ADGRE5: variants seen among roughly 807,000 people sequenced by gnomAD.
The protein encoded by ADGRE5 is adhesion G protein-coupled receptor E5.
In ADGRE5, 72 loss-of-function variants were observed where a neutral mutation model predicts 100.3. That is an observed-to-expected ratio of 0.72 (90% CI 0.59 to 0.87). ADGRE5 has a LOEUF of 0.87. Ranked by LOEUF, ADGRE5 falls within the 40% of genes least tolerant of loss-of-function variation. The probability of loss-of-function intolerance (pLI) is 0.00; values close to 1 mark genes in which losing one functional copy is unlikely to be tolerated. For missense variants in ADGRE5, 959 were observed against 1,094.7 expected, an observed-to-expected ratio of 0.88 and a Z score of 1.75; for synonymous variants, 439 against 447.8, an observed-to-expected ratio of 0.98 and a Z score of 0.25.
chr19:14,398,976 G>A (rs1050554212), intron 9 of ADGRE5, among the ~76,000 whole-genome samples: 1 of 151,518 alleles, frequency 6.6e-6, no homozygotes, highest in African/African-American at 2.4e-5. Context: ...CAAGTAGCTG[G>A]GACCAAAGGC....
In ADGRE5 at chr19:14,406,188, G is replaced by A; in HGVS notation, c.1822-143G>A. The A allele has an allele frequency of 1.3e-6, 1 of 747,904 alleles. No homozygotes were observed. Among genetic ancestry groups the A allele is most frequent in the Non-Finnish European group, 2.1e-6 (1 of 472,564 alleles). The allele number at this position is 747,904 out of a possible 1,614,324, so 46.3% of individuals were successfully genotyped here. A position where few individuals can be genotyped will look rare whatever the true frequency, so the allele number is the denominator to read the frequency against. The stretch of plus-strand genomic sequence containing the variant: ...AGCGTTGTTGGGGGTGGGCCCTGGG[G>A]GGAAACCTGGCCCCCGCTCCAGACC... On this transcript the variant is annotated intron_variant, in intron 14 of 19. Coordinates refer to ENST00000242786, the MANE Select transcript of ADGRE5 (RefSeq NM_078481.4). This position sits in a 1 kb window ranked among gnomAD's most constrained non-coding sequence, Gnocchi z 6.0.
intron 4 of ADGRE5, chr19:14,391,468 C>T (rs1975600132): frequency 5.3e-6 from 1 of 187,450 alleles, no homozygotes; most frequent in Non-Finnish European, 1.1e-5. Context: ...AGCAAGACCC[C>T]ACCCCTATAA....
intron 6 of ADGRE5, 134 bp downstream of exon 6, chr19:14,397,357 G>A (rs550890821): frequency 1.1e-4 from 165 of 1,437,012 alleles, no homozygotes; most frequent in Admixed American, 3.8e-4. Context: ...TTCTTCTGAG[G>A]CTAGATGAGA....
Position 14,407,237 on chromosome 19 carries a change from C to G in ADGRE5, c.2376+8C>G, listed in dbSNP as rs766881249. ...TGCCTGCTCAACAAGAAGGTGGGGG[C>G]CTGGGCACAGTGGCGCACGCCTGTC... On this transcript the variant is annotated splice_region_variant and intron_variant, in intron 18 of 19. Transcript: ENST00000242786. The G allele has an allele frequency of 1.8e-5, 29 of 1,613,438 alleles. No individual in the cohort carries two copies. Among genetic ancestry groups the G allele is most frequent in the African/African-American group, 2.7e-5 (2 of 74,934 alleles).
chr19:14,385,010 CTTTTTTTTTTT>C (rs56960989), intron 1 of ADGRE5, among the ~76,000 whole-genome samples: 1 of 68,684 alleles, frequency 1.5e-5, no homozygotes, highest in Non-Finnish European at 2.6e-5. Context: ...GACTCTTGCT[CTTTTTTTTTTT>C]TTTTTTTTTT....
At position 14,401,764 on chromosome 19, in the gene ADGRE5, G is replaced by C. The variant is rs1451462127; in HGVS notation, c.1183+4G>C. On this transcript the variant is annotated splice_donor_region_variant and intron_variant, in intron 11 of 19. Coordinates refer to ENST00000242786, the MANE Select transcript of ADGRE5 (RefSeq NM_078481.4). The surrounding 1 kb of genome is among the most constrained non-coding windows in gnomAD (Gnocchi z 4.1). ...GCAGCTGGAGCCGAGGATCCAGGTAGCAGCGGTGGTCTGGAGGGGGAGCCC... is the reference window on the plus strand; with the variant it reads ...GCAGCTGGAGCCGAGGATCCAGGTACCAGCGGTGGTCTGGAGGGGGAGCCC... The C allele has an allele frequency of 6.5e-7, 1 of 1,543,350 alleles. No individual in the cohort carries two copies.
At position 14,381,571 on chromosome 19, in the gene ADGRE5, A is replaced by G. The variant is rs1318984816; in HGVS notation, c.22+26A>G. 4 of 1,595,808 alleles carry G rather than the reference A, an allele frequency of 2.5e-6. No individual in the cohort carries two copies. In the Admixed American group the frequency reaches 5.7e-5, roughly 23 times the overall value. ...GTAAGTACTTTGGGGCCCCGCTGGGAGGGGCGAGGAAGCTCCAGCGGGACC... is the reference window on the plus strand; with the variant it reads ...GTAAGTACTTTGGGGCCCCGCTGGGGGGGGCGAGGAAGCTCCAGCGGGACC... On this transcript the variant is annotated intron_variant, in intron 1 of 19. Coordinates refer to ENST00000242786, the MANE Select transcript of ADGRE5 (RefSeq NM_078481.4).
Position 14,408,718 on chromosome 19 carries a change from A to G in ADGRE5, c.*597A>G. On this transcript the variant is annotated 3_prime_UTR_variant, in exon 20 of 20. Coordinates refer to ENST00000242786, the MANE Select transcript of ADGRE5 (RefSeq NM_078481.4). ...GACACTTAAAATTAAACACATGCATACAGAAGATGGCCTTGCCTGCTGGTG... is the reference window on the plus strand; with the variant it reads ...GACACTTAAAATTAAACACATGCATGCAGAAGATGGCCTTGCCTGCTGGTG... 1.6e-6 allele frequency: 1 copy of G among 628,988 alleles called. No homozygotes were observed. The highest frequency in any genetic ancestry group is 3.4e-5 in the Admixed American group (1 of 29,420). 39.0% of individuals were successfully genotyped at this position (628,988 alleles called of 1,614,324 possible). A position where few individuals can be genotyped will look rare whatever the true frequency, so the allele number is the denominator to read the frequency against.
intron 1 of ADGRE5, among the ~76,000 whole-genome samples, chr19:14,384,231 G>C (rs932992208): frequency 6.6e-6 from 1 of 150,660 alleles, no homozygotes; most frequent in Non-Finnish European, 1.5e-5. Flanking sequence ...AACCCAGCTG[G>C]AAGGAGTGTG....
Position 14,388,822 on chromosome 19 carries a change from C to T in ADGRE5, c.190+4C>T. 6.2e-7 allele frequency: 1 copy of T among 1,612,574 alleles called. No homozygotes were observed. Among genetic ancestry groups the T allele is most frequent in the Non-Finnish European group, 8.5e-7 (1 of 1,178,960 alleles). Reference sequence around the variant, plus strand: ...ACCCCGACGGAGACTTGTGACGGTACAGAGGCTTGAGGGCAGCGCAGGGGA... The same window carrying T: ...ACCCCGACGGAGACTTGTGACGGTATAGAGGCTTGAGGGCAGCGCAGGGGA... On this transcript the variant is annotated splice_donor_region_variant and intron_variant, in intron 3 of 19. Transcript: ENST00000242786.
At position 14,396,383 on chromosome 19, in the gene ADGRE5, T is replaced by C. The variant is rs1198686552; in HGVS notation, c.388T>C (p.Tyr130His). Residue 130 changes from tyrosine (Y) to histidine (H), a missense_variant, in exon 5 of 20, where the codon TAC becomes CAC. Tyr to His is a moderately conservative substitution (Grantham distance 83). Around this residue, in one of 6 missense-constraint regions of ADGRE5, gnomAD observed 114 missense variants for 195.7 expected, o/e 0.58. Coordinates refer to ENST00000242786, the MANE Select transcript of ADGRE5 (RefSeq NM_078481.4). ...CQQNPRLCKSYGTCVNTLGSY... is the reference protein window; with the variant it reads ...CQQNPRLCKSHGTCVNTLGSY... Reference sequence around the variant, plus strand: ...GCAGAACCCAAGGCTCTGTAAAAGCTACGGCACCTGCGTCAACACCCTTGG... The same window carrying C: ...GCAGAACCCAAGGCTCTGTAAAAGCCACGGCACCTGCGTCAACACCCTTGG... The C allele has an allele frequency of 6.2e-7, 1 of 1,614,008 alleles. No homozygotes were observed. The highest frequency in any genetic ancestry group is 2.2e-5 in the East Asian group (1 of 44,892).
Position 14,406,275 on chromosome 19 carries a change from G to A in ADGRE5, c.1822-56G>A, listed in dbSNP as rs967880949. 5 of 1,357,940 alleles carry A rather than the reference G, an allele frequency of 3.7e-6. No individual in the cohort carries two copies. In the African/African-American group the frequency reaches 4.3e-5, roughly 12 times the overall value. The allele number at this position is 1,357,940 out of a possible 1,614,324, so 84.1% of individuals were successfully genotyped here. A position where few individuals can be genotyped will look rare whatever the true frequency, so the allele number is the denominator to read the frequency against. Reference sequence around the variant, plus strand: ...GACCTGGCAGGCGACTGGCTCTGGCGCCGCATGCCCCTCCCCGCGCTGACG... The same window carrying A: ...GACCTGGCAGGCGACTGGCTCTGGCACCGCATGCCCCTCCCCGCGCTGACG... On this transcript the variant is annotated intron_variant, in intron 14 of 19. Coordinates refer to ENST00000242786, the MANE Select transcript of ADGRE5 (RefSeq NM_078481.4). This position sits in a 1 kb window ranked among gnomAD's most constrained non-coding sequence, Gnocchi z 6.0.
intron 12 of ADGRE5, 156 bp from the exon 13 acceptor site, chr19:14,404,227 G>A: frequency 1.5e-6 from 1 of 675,078 alleles, no homozygotes; most frequent in Non-Finnish European, 2.5e-6. Flanking sequence ...ACTTGTGTGT[G>A]CCCTGTTCAC....
intron 1 of ADGRE5, among the ~76,000 whole-genome samples, chr19:14,385,872 C>T (rs920323376): frequency 2.0e-5 from 3 of 151,384 alleles, no homozygotes; most frequent in African/African-American, 7.3e-5. Flanking sequence ...TTAGTTCAAG[C>T]GATTCTCAAG....
intron 4 of ADGRE5, among the ~76,000 whole-genome samples, chr19:14,395,315 A>C (rs550919187): frequency 2.0e-5 from 3 of 151,434 alleles, no homozygotes; most frequent in South Asian, 4.2e-4. Flanking sequence ...AAAAAAAAAA[A>C]AAAACAAAAA....
Position 14,406,224 on chromosome 19 carries a change from C to T in ADGRE5, c.1822-107C>T. ...CCCCCGCTCCAGACCCGCCCACCCT[C>T]CGGCTGTGGTCCCGCCCACTCTCGG... On this transcript the variant is annotated intron_variant, in intron 14 of 19. Coordinates refer to ENST00000242786, the MANE Select transcript of ADGRE5 (RefSeq NM_078481.4). The surrounding 1 kb of genome is among the most constrained non-coding windows in gnomAD (Gnocchi z 6.0). 1 of 916,586 alleles carries T rather than the reference C, an allele frequency of 1.1e-6. No individual in the cohort carries two copies. The highest frequency in any genetic ancestry group is 1.7e-5 in the South Asian group (1 of 58,272). The allele number at this position is 916,586 out of a possible 1,614,324, so 56.8% of individuals were successfully genotyped here. A position where few individuals can be genotyped will look rare whatever the true frequency, so the allele number is the denominator to read the frequency against.
chr19:14,381,561 C>T lies in ADGRE5; in HGVS notation c.22+16C>T. ...GTCTTTCTCGGTAAGTACTTTGGGG[C>T]CCCGCTGGGAGGGGCGAGGAAGCTC... On this transcript the variant is annotated intron_variant, in intron 1 of 19. Coordinates refer to ENST00000242786, the MANE Select transcript of ADGRE5 (RefSeq NM_078481.4). 6.3e-7 allele frequency: 1 copy of T among 1,599,862 alleles called. No homozygotes were observed. Among genetic ancestry groups the T allele is most frequent in the Admixed American group, 1.8e-5 (1 of 54,098 alleles).
At chr19:14,396,170 A>T in intron 4 of ADGRE5, 172 bp from the exon 5 acceptor site, 1 of 1,205,580 alleles carries the variant, frequency 8.3e-7, no homozygotes, top group Non-Finnish European at 1.2e-6. Context: ...ACATCTGGAC[A>T]ACAGAAGGAC....
chr19:14,389,776 A>G (rs894488636), intron 3 of ADGRE5, among the ~76,000 whole-genome samples: 4 of 141,844 alleles, frequency 2.8e-5, no homozygotes, highest in African/African-American at 1.0e-4. Flanking sequence ...AGAGAAAGAG[A>G]AAGAAAAGTA....
Sources: allele counts gnomAD v4.1 joint callset (sites outside exome capture counted in the v4.1 genomes callset), GRCh38; gene constraint gnomAD v4.1.1; regional missense constraint gnomAD v4.1.1; non-coding constraint Gnocchi (gnomAD v3.1); transcripts MANE v1.5; gene names NCBI Gene and HGNC (gene_info 2026-07-23, HGNC 2026-07-21).